ANKRD28: variants seen among roughly 807,000 people sequenced by gnomAD.
ANKRD28 encodes the protein ankyrin repeat domain 28, also known as serine/threonine-protein phosphatase 6 regulatory ankyrin repeat subunit A.
A neutral mutation model predicts 126.5 loss-of-function variants in ANKRD28; 44 were observed. That is an observed-to-expected ratio of 0.35 (90% CI 0.27 to 0.45). The LOEUF (loss-of-function observed/expected upper bound fraction) is 0.45, where lower values mean the gene tolerates loss of function less well. Among genes scored for constraint, ANKRD28 ranks in the 20% least tolerant of loss-of-function variants. The probability of loss-of-function intolerance (pLI) is 1.00; values close to 1 mark genes in which losing one functional copy is unlikely to be tolerated. For missense variants in ANKRD28, 1,110 were observed against 1,316.6 expected, an observed-to-expected ratio of 0.84 and a Z score of 2.43; for synonymous variants, 442 against 468.5, an observed-to-expected ratio of 0.94 and a Z score of 0.73.
At chr3:15,849,616 T>A (rs917648608) in intron 1 of ANKRD28, among the ~76,000 whole-genome samples, 1 of 152,150 alleles carries the variant, frequency 6.6e-6, no homozygotes. Context: ...AGAGTTGGAA[T>A]TGGAAGCTAC....
intron 1 of ANKRD28, among the ~76,000 whole-genome samples, chr3:15,819,356 T>A (rs374900246): frequency 7.0e-4 from 106 of 151,864 alleles, no homozygotes; most frequent in African/African-American, 2.5e-3. Context: ...GACAGAAGAG[T>A]CCATAAATAG....
intron 27 of ANKRD28, among the ~76,000 whole-genome samples, chr3:15,673,458 A>G (rs1007931553): frequency 2.6e-5 from 4 of 152,240 alleles, no homozygotes; most frequent in Non-Finnish European, 5.9e-5. Flanking sequence ...CAACTGACAA[A>G]GATTTCACTG....
At chr3:15,713,430 T>C in intron 10 of ANKRD28, 97 bp downstream of exon 10, 3 of 916,594 alleles carry the variant, frequency 3.3e-6, no homozygotes, top group Non-Finnish European at 5.1e-6. Context: ...ACATTGAGGA[T>C]AAAATCCACA....
intron 15 of ANKRD28, 127 bp downstream of exon 15, chr3:15,696,007 T>C (rs1332950140): frequency 1.5e-5 from 10 of 674,430 alleles, no homozygotes; most frequent in East Asian, 2.8e-5. Context: ...ATTTAAGAGG[T>C]ATATAAATTC....
intron 4 of ANKRD28, among the ~76,000 whole-genome samples, chr3:15,749,016 A>AGTGT (rs1171271178): frequency 7.2e-5 from 11 of 151,820 alleles, no homozygotes; most frequent in African/African-American, 2.7e-4. Flanking sequence ...CATGTCTCTA[A>AGTGT]GTGTGACCTT....
chr3:15,696,299 A>G (rs1048555500), intron 14 of ANKRD28, 54 bp from the exon 15 acceptor site: 2 of 1,166,858 alleles, frequency 1.7e-6, no homozygotes, highest in African/African-American at 3.0e-5. Flanking sequence ...ATATTAACCA[A>G]TGATAAAAAG....
chr3:15,797,506 G>A lies in ANKRD28; in HGVS notation c.-985C>T. 2.0e-6 allele frequency: 2 copies of A among 984,604 alleles called. No individual in the cohort carries two copies. Among genetic ancestry groups the A allele is most frequent in the Non-Finnish European group, 2.4e-6 (2 of 829,856 alleles). 61.0% of individuals were successfully genotyped at this position (984,604 alleles called of 1,614,324 possible). A position where few individuals can be genotyped will look rare whatever the true frequency, so the allele number is the denominator to read the frequency against. ...CTAGTAGAACAAGCAGGCTGTGAAG[G>A]AATTAGAAGGCATTTGAGCTCAAAT... On this transcript the variant is annotated 5_prime_UTR_variant, in exon 1 of 28. Coordinates refer to ENST00000683139, the MANE Select transcript of ANKRD28 (RefSeq NM_001349278.2).
Position 15,797,111 on chromosome 3 carries a change from T to C in ANKRD28, c.-590A>G, listed in dbSNP as rs188663611. On this transcript the variant is annotated 5_prime_UTR_variant, in exon 1 of 28. Coordinates refer to ENST00000683139, the MANE Select transcript of ANKRD28 (RefSeq NM_001349278.2). Reference sequence around the variant, plus strand: ...ATCACTGGTTTAATGCAGATACTATTCACAGAAAAAAGATCTAGAGCTCAG... The same window carrying C: ...ATCACTGGTTTAATGCAGATACTATCCACAGAAAAAAGATCTAGAGCTCAG... The C allele has an allele frequency of 3.5e-3, 3,447 of 983,754 alleles. 5 individuals carry two copies. Among genetic ancestry groups the C allele is most frequent in the Admixed American group, 4.8e-3 (77 of 15,980 alleles). 60.9% of individuals were successfully genotyped at this position (983,754 alleles called of 1,614,324 possible).
rs1025896339 is a variant in ANKRD28 at position 15,833,282 on chromosome 3, C to T, written c.27+26095G>A. On this transcript the variant is annotated intron_variant, in intron 1 of 27. Coordinates refer to the ANKRD28 transcript ENST00000399451. The surrounding 1 kb of genome is among the most constrained non-coding windows in gnomAD (Gnocchi z 4.4). ...CTGGAATATGAAGTAGGCAGAAAAA[C>T]GTGAAAAGACTAGACTGGTGTAGCC... is the stretch of plus-strand genomic sequence containing the variant. Among the ~76,000 whole-genome samples the T allele has an allele frequency of 6.6e-5, 10 of 152,004 alleles. No homozygotes were observed. The highest frequency in any genetic ancestry group is 1.9e-4 in the African/African-American group (8 of 41,396).
intron 4 of ANKRD28, among the ~76,000 whole-genome samples, chr3:15,745,895 G>C (rs1400348232): frequency 6.6e-6 from 1 of 152,040 alleles, no homozygotes; most frequent in African/African-American, 2.4e-5. Context: ...GCCCTGTTTT[G>C]TAGTTTTCCT....
chr3:15,820,048 A>T lies in ANKRD28; in HGVS notation c.28-24742T>A, dbSNP rs374122588. 3.7e-4 allele frequency among the ~76,000 whole-genome samples: 56 copies of T among 152,390 alleles called. No individual in the cohort carries two copies. The South Asian group carries it at 0.011, about 30-fold the overall frequency. On this transcript the variant is annotated intron_variant, in intron 1 of 27. Transcript: ENST00000399451. ...CATGGTACTACAAAGGAAATAATTTAAGAAAAATAATTTTTGCTAAACCCC... is the reference window on the plus strand; with the variant it reads ...CATGGTACTACAAAGGAAATAATTTTAGAAAAATAATTTTTGCTAAACCCC...
At chr3:15,777,457 TC>T (rs1321868790) in intron 2 of ANKRD28, among the ~76,000 whole-genome samples, 1 of 152,136 alleles carries the variant, frequency 6.6e-6, no homozygotes, top group African/African-American at 2.4e-5. Context: ...GGGGAAGTAA[TC>T]TAGTTTCTGT....
At position 15,714,637 on chromosome 3, in the gene ANKRD28, G is replaced by A; in HGVS notation, c.1016C>T (p.Pro339Leu). 6.3e-7 allele frequency: 1 copy of A among 1,596,242 alleles called. No homozygotes were observed. The highest frequency in any genetic ancestry group is 1.1e-5 in the South Asian group (1 of 87,422). The change falls in exon 9 of 28, where the codon CCA (proline) becomes CTA (leucine). Residue 339 changes from proline (P) to leucine (L), a missense_variant. Pro to Leu is a moderately conservative substitution (Grantham distance 98). Coordinates refer to ENST00000683139, the MANE Select transcript of ANKRD28 (RefSeq NM_001349278.2). ...ACCGTGGAGAGCAGTCATGTGTAGT[G>A]GGGTTTTCCCATCTTTACTCTGGGG... Reference protein sequence around the residue: ...VNMKSKDGKTPLHMTALHGRF... With the variant: ...VNMKSKDGKTLLHMTALHGRF...
In ANKRD28 at chr3:15,797,214, A is replaced by AC. The variant is rs1409725995; in HGVS notation, c.-694_-693insG. On this transcript the variant is annotated 5_prime_UTR_variant, in exon 1 of 28. It removes the in-frame stop codon of an upstream open reading frame in the 5' UTR. Transcript: ENST00000683139. ...AAAGGGGCAAAAAACAAAAACAAAA[A>AC]AAAAAAAACCACTCTGCATTAATAG... The AC allele has an allele frequency of 2.3e-5, 23 of 984,914 alleles. No homozygotes were observed. Among genetic ancestry groups the AC allele is most frequent in the African/African-American group, 3.5e-5 (2 of 57,106 alleles). The allele number at this position is 984,914 out of a possible 1,614,324, so 61.0% of individuals were successfully genotyped here.
intron 2 of ANKRD28, among the ~76,000 whole-genome samples, chr3:15,774,871 T>G (rs889765331): frequency 1.3e-5 from 2 of 152,000 alleles, no homozygotes; most frequent in East Asian, 1.9e-4. Flanking sequence ...GGAGATTTAT[T>G]TATGTATGTA....
chr3:15,837,775 C>A (rs976393450), intron 1 of ANKRD28, among the ~76,000 whole-genome samples: 2 of 148,124 alleles, frequency 1.4e-5, no homozygotes, highest in Non-Finnish European at 3.0e-5. Flanking sequence ...GGGGAAAAAA[C>A]AATCAATATT....
Position 15,679,518 on chromosome 3 carries a change from T to C in ANKRD28, c.2435A>G (p.Gln812Arg). The C allele has an allele frequency of 1.2e-6, 2 of 1,613,824 alleles. No individual in the cohort carries two copies. Among genetic ancestry groups the C allele is most frequent in the Non-Finnish European group, 8.5e-7 (1 of 1,179,778 alleles). ...VELLLEQEVF[Q>R]KTEGNAFSPL... is the part of the protein sequence containing the mutation. ...ACTAAAAGCATTTCCTTCCGTTTTC[T>C]GGAAAACTTCCTGTTCTAAAAGCAG... Residue 812 changes from glutamine (Q) to arginine (R), a missense_variant, in exon 22 of 28, where the codon CAG becomes CGG. Coordinates refer to ENST00000683139, the MANE Select transcript of ANKRD28 (RefSeq NM_001349278.2).
At chr3:15,787,639 A>G (rs1368993595) in intron 2 of ANKRD28, among the ~76,000 whole-genome samples, 2 of 152,206 alleles carry the variant, frequency 1.3e-5, no homozygotes, top group Non-Finnish European at 2.9e-5. Context: ...TTTAGGACAG[A>G]GAGTGCACAC....
chr3:15,693,487 A>G (rs1035110688), intron 17 of ANKRD28, among the ~76,000 whole-genome samples: 3 of 152,172 alleles, frequency 2.0e-5, no homozygotes, highest in African/African-American at 7.2e-5. Context: ...ACTAAGTCCT[A>G]AAGACTGCAG....
Sources: allele counts gnomAD v4.1 joint callset (sites outside exome capture counted in the v4.1 genomes callset), GRCh38; gene constraint gnomAD v4.1.1; non-coding constraint Gnocchi (gnomAD v3.1); transcripts MANE v1.5; gene names NCBI Gene and HGNC (gene_info 2026-07-23, HGNC 2026-07-21).